Variants in SUSD1 observed in about 807,000 individuals in gnomAD.
The protein encoded by SUSD1 is sushi domain containing 1, also known as sushi domain-containing protein 1.
Under a neutral mutation model 86.9 loss-of-function variants are expected in SUSD1, and 65 were observed. The observed-to-expected ratio is 0.75, with a 90% CI of 0.61 to 0.92. SUSD1 has a LOEUF of 0.92. Ranked by LOEUF, SUSD1 falls within the 40% of genes least tolerant of loss-of-function variation. The probability of loss-of-function intolerance (pLI) is 0.00; values close to 1 mark genes in which losing one functional copy is unlikely to be tolerated. For synonymous variants in SUSD1, 346 were observed against 350.0 expected (o/e 0.99, Z 0.13); for missense variants, 850 against 929.7 (o/e 0.91, Z 1.11).
chr9:112,173,411 T>TC (rs11443581), intron 1 of SUSD1: 129,792 of 155,518 alleles, frequency 0.83, 54,580 homozygotes, highest in African/African-American at 0.94. Context: ...AGACCCTCTT[T>TC]CCCCCGCCTC....
rs556398847 is a variant in SUSD1, at chr9:112,130,606, G to T, written c.707-6170C>A. The stretch of plus-strand genomic sequence containing the variant: ...GAGGAAGGAAGGAAAGGAAGGAAAG[G>T]AAAGGAAGGAAAGGAAAGGAAAGGA... On this transcript the variant is annotated intron_variant, in intron 5 of 16. Coordinates refer to ENST00000374270, the MANE Select transcript of SUSD1 (RefSeq NM_022486.5). Among the ~76,000 whole-genome samples the T allele has an allele frequency of 2.2e-3, 336 of 149,692 alleles. 1 individual carries two copies. The highest frequency in any genetic ancestry group is 7.9e-3 in the African/African-American group (320 of 40,466).
In SUSD1 at chr9:112,044,432, C is replaced by A. The variant is rs1358866860; in HGVS notation, c.2150-2472G>T. The stretch of plus-strand genomic sequence containing the variant: ...GGAATGATAGCAATACTACCCACCT[C>A]TAGGTAGTGGGAGAAGTCAGTGAGT... On this transcript the variant is annotated intron_variant, in intron 15 of 16. Coordinates refer to ENST00000374270, the MANE Select transcript of SUSD1 (RefSeq NM_022486.5). Among the ~76,000 whole-genome samples, 3 of 152,192 alleles carry A rather than the reference C, an allele frequency of 2.0e-5. No homozygotes were observed. In the East Asian group the frequency reaches 5.8e-4, roughly 29 times the overall value.
chr9:112,062,855 G>A (rs537679624), intron 13 of SUSD1, 82 bp downstream of exon 13: 106 of 916,690 alleles, frequency 1.2e-4, no homozygotes, highest in Non-Finnish European at 1.6e-4. Flanking sequence ...CAACACAGAA[G>A]TCTTCTCCTC....
At chr9:112,140,310 C>T (rs1314261961) in intron 5 of SUSD1, among the ~76,000 whole-genome samples, 1 of 81,836 alleles carries the variant, frequency 1.2e-5, no homozygotes, top group Non-Finnish European at 2.3e-5. Context: ...TGCCGTGAGC[C>T]GAGATTGCGC....
intron 1 of SUSD1, among the ~76,000 whole-genome samples, chr9:112,166,257 G>A (rs1418129701): frequency 6.6e-6 from 1 of 152,206 alleles, no homozygotes; most frequent in Non-Finnish European, 1.5e-5. Context: ...TCCACAGCCT[G>A]AGGCTCAGTT....
chr9:112,052,367 G>A (rs1289779677), intron 15 of SUSD1, 32 bp downstream of exon 15: 3 of 1,613,768 alleles, frequency 1.9e-6, no homozygotes, highest in Admixed American at 1.7e-5. Flanking sequence ...AAAGAAATAA[G>A]GACAGCATTC....
rs531449611 is a variant in SUSD1, at chr9:112,094,630, G to A, written c.1474+3840C>T. 1.1e-4 allele frequency among the ~76,000 whole-genome samples: 16 copies of A among 152,354 alleles called. No homozygotes were observed. The South Asian group carries it at 2.9e-3, about 28-fold the overall frequency. ...TTACAAAACAGGTTTTGGTCTTGCA[G>A]ACAGGATAAGATTAGGGAGAAACGA... On this transcript the variant is annotated intron_variant, in intron 10 of 16. Transcript: ENST00000374270.
At chr9:112,156,954 G>A (rs1833356188) in intron 2 of SUSD1, among the ~76,000 whole-genome samples, 1 of 152,104 alleles carries the variant, frequency 6.6e-6, no homozygotes, top group South Asian at 2.1e-4. Flanking sequence ...TGGATATCAT[G>A]AGGCAAAAAA....
chr9:112,071,350 C>T (rs1025041413), intron 12 of SUSD1, among the ~76,000 whole-genome samples: 1 of 152,004 alleles, frequency 6.6e-6, no homozygotes, highest in African/African-American at 2.4e-5. Flanking sequence ...GTCTCAGCTA[C>T]TTGGGAGGCT....
At chr9:112,154,463 T>C (rs962184634) in intron 2 of SUSD1, among the ~76,000 whole-genome samples, 17 of 151,788 alleles carry the variant, frequency 1.1e-4, no homozygotes, top group Non-Finnish European at 2.2e-4. Context: ...CAGTGAGCCA[T>C]GGTCACACCA....
chr9:112,136,529 C>T (rs1302158048), intron 5 of SUSD1, among the ~76,000 whole-genome samples: 3 of 152,170 alleles, frequency 2.0e-5, no homozygotes, highest in Non-Finnish European at 2.9e-5. Context: ...CCATCATGCC[C>T]AGTCCAGAAA....
intron 12 of SUSD1, among the ~76,000 whole-genome samples, chr9:112,066,640 C>T (rs959949578): frequency 2.0e-5 from 3 of 152,136 alleles, no homozygotes; most frequent in African/African-American, 4.8e-5. Context: ...TGAGATTCTC[C>T]GAGTCCGTAC....
intron 12 of SUSD1, among the ~76,000 whole-genome samples, chr9:112,073,218 T>C (rs757898752): frequency 6.6e-6 from 1 of 152,220 alleles, no homozygotes; most frequent in Non-Finnish European, 1.5e-5. Context: ...CCTAACCGTC[T>C]GAAAAAGTAC....
chr9:112,129,514 T>C (rs1831924772), intron 5 of SUSD1, among the ~76,000 whole-genome samples: 1 of 152,190 alleles, frequency 6.6e-6, no homozygotes, highest in Non-Finnish European at 1.5e-5. Context: ...GGTTTCACCA[T>C]GTTGCCCAGG....
chr9:112,108,089 G>GA (rs1000190941), intron 8 of SUSD1, among the ~76,000 whole-genome samples: 1 of 151,986 alleles, frequency 6.6e-6, no homozygotes, highest in African/African-American at 2.4e-5. Flanking sequence ...ATGTTACAAA[G>GA]AAAAAATCTA....
At chr9:112,151,665 G>A (rs535890757) in intron 2 of SUSD1, among the ~76,000 whole-genome samples, 5 of 151,982 alleles carry the variant, frequency 3.3e-5, no homozygotes, top group African/African-American at 1.2e-4. Context: ...ACTTTGGGAG[G>A]CCAAGGCAGG....
chr9:112,141,230 C>T (rs1299524848), intron 5 of SUSD1, among the ~76,000 whole-genome samples: 1 of 152,120 alleles, frequency 6.6e-6, no homozygotes, highest in Non-Finnish European at 1.5e-5. Context: ...TGATGCACTA[C>T]AACATTATGA....
chr9:112,059,963 C>T (rs755517581), intron 13 of SUSD1, among the ~76,000 whole-genome samples: 115 of 151,942 alleles, frequency 7.6e-4, no homozygotes, highest in Non-Finnish European at 1.2e-3. Flanking sequence ...CCCGCCCCTC[C>T]GCCACCAGCA....
At chr9:112,085,645 A>C (rs1178843883) in intron 10 of SUSD1, among the ~76,000 whole-genome samples, 1 of 152,218 alleles carries the variant, frequency 6.6e-6, no homozygotes, top group Non-Finnish European at 1.5e-5. Context: ...AAAGGTGGGA[A>C]GTGGAAATCA....
Sources: allele counts gnomAD v4.1 joint callset (sites outside exome capture counted in the v4.1 genomes callset), GRCh38; gene constraint gnomAD v4.1.1; transcripts MANE v1.5; gene names NCBI Gene and HGNC (gene_info 2026-07-23, HGNC 2026-07-21).